The following TLE4 variants were observed in gnomAD, a reference collection of about 807,000 sequenced individuals.
TLE4 encodes TLE family member 4, transcriptional corepressor.
A neutral mutation model predicts 92.8 loss-of-function variants in TLE4; 8 were observed. The ratio of observed to expected loss-of-function variants is 0.09; its 90% CI spans 0.05 to 0.16. The LOEUF (loss-of-function observed/expected upper bound fraction) is 0.16. Among genes scored for constraint, TLE4 ranks in the 10% least tolerant of loss-of-function variants. TLE4 has a pLI of 1.00. For missense variants in TLE4, 675 were observed against 997.6 expected, an observed-to-expected ratio of 0.68 and a Z score of 4.36; for synonymous variants, 371 against 374.1, an observed-to-expected ratio of 0.99 and a Z score of 0.10.
chr9:79,719,103 G>A (rs1177194433), intron 15 of TLE4, 132 bp downstream of exon 15: 21 of 1,329,772 alleles, frequency 1.6e-5, no homozygotes, highest in Middle Eastern at 2.6e-4. Flanking sequence ...AGGGGACTGC[G>A]ATCTTTCACT....
intron 4 of TLE4, among the ~76,000 whole-genome samples, chr9:79,597,131 C>T (rs893010315): frequency 1.3e-5 from 2 of 152,102 alleles, no homozygotes; most frequent in African/African-American, 4.8e-5. Flanking sequence ...TCTAGTGAAG[C>T]CACATAGTCT....
chr9:79,653,092 T>A (rs551017234), intron 7 of TLE4, among the ~76,000 whole-genome samples: 1 of 152,346 alleles, frequency 6.6e-6, no homozygotes, highest in East Asian at 1.9e-4. Flanking sequence ...CATGATGCTC[T>A]GTTTGAAGTA....
At chr9:79,631,040 C>A (rs555193927) in intron 6 of TLE4, among the ~76,000 whole-genome samples, 13 of 152,146 alleles carry the variant, frequency 8.5e-5, no homozygotes, top group Non-Finnish European at 1.8e-4. Flanking sequence ...CCAATAAACC[C>A]TTAGGAAACA....
chr9:79,707,253 T>C, intron 11 of TLE4: 1 of 1,569,296 alleles, frequency 6.4e-7, no homozygotes, highest in Non-Finnish European at 8.8e-7. Flanking sequence ...GTGATTTTGT[T>C]GCTAGCTTTG....
At position 79,572,758 on chromosome 9, in the gene TLE4, C is replaced by T. The variant is rs768555411; in HGVS notation, c.-33C>T. 1.4e-5 allele frequency: 22 copies of T among 1,593,804 alleles called. No homozygotes were observed. The highest frequency in any genetic ancestry group is 2.3e-5 in the East Asian group (1 of 42,624). ...TCATTAAAGCCAATGAGCCGCGCGC[C>T]TCTGCCGAGCGCAGCCAACTAAATC... is the stretch of plus-strand genomic sequence containing the variant. On this transcript the variant is annotated 5_prime_UTR_variant, in exon 1 of 20. Coordinates refer to ENST00000376552, the MANE Select transcript of TLE4 (RefSeq NM_007005.6).
Position 79,592,148 on chromosome 9 carries a change from CT to C in TLE4, c.252+15974del, listed in dbSNP as rs749366942. On this transcript the variant is annotated intron_variant, in intron 4 of 19. Transcript: ENST00000376552. Reference sequence around the variant, plus strand: ...TCTTTCTTCTTCTTTCTTCTTTCTTCTTTCTTCTTCTTCTTCTTCTTCCTCT... The same window carrying C: ...TCTTTCTTCTTCTTTCTTCTTTCTTCTTCTTCTTCTTCTTCTTCTTCCTCT... Among the ~76,000 whole-genome samples the C allele has an allele frequency of 3.4e-4, 50 of 148,636 alleles. No homozygotes were observed. In the East Asian group the frequency reaches 3.5e-3, roughly 10 times the overall value.
intron 5 of TLE4, among the ~76,000 whole-genome samples, chr9:79,622,213 C>T (rs906939352): frequency 1.3e-5 from 2 of 152,102 alleles, no homozygotes; most frequent in African/African-American, 4.8e-5. Context: ...CATCCATTTT[C>T]CTTTATTTTT....
intron 6 of TLE4, among the ~76,000 whole-genome samples, chr9:79,646,299 G>C (rs1473571811): frequency 6.6e-6 from 1 of 152,118 alleles, no homozygotes; most frequent in Non-Finnish European, 1.5e-5. Flanking sequence ...GCAGAGGACA[G>C]TTTTGACTTA....
intron 6 of TLE4, among the ~76,000 whole-genome samples, chr9:79,633,172 A>G (rs1441190052): frequency 6.6e-6 from 1 of 152,186 alleles, no homozygotes; most frequent in African/African-American, 2.4e-5. Flanking sequence ...CCCTTCTCTC[A>G]TAACAAAGAC....
chr9:79,720,563 C>G (rs1162947821), intron 16 of TLE4, among the ~76,000 whole-genome samples: 1 of 152,012 alleles, frequency 6.6e-6, no homozygotes, highest in Non-Finnish European at 1.5e-5. Flanking sequence ...CCTTCCTTGA[C>G]TTATACTAAA....
rs117146134 is a variant in TLE4 at position 79,578,556 on chromosome 9, C to T, written c.252+2379C>T. On this transcript the variant is annotated intron_variant, in intron 4 of 19. Transcript: ENST00000376552. ...AAGCAAAGACAAACAGGGTGGAGGT[C>T]GGTGTTCTCCCTCCTACCCTTTCTA... Among the ~76,000 whole-genome samples the T allele has an allele frequency of 4.9e-3, 739 of 152,170 alleles. 3 individuals carry two copies. Among genetic ancestry groups the T allele is most frequent in the Middle Eastern group, 0.01 (3 of 294 alleles).
At chr9:79,724,851 A>T (rs2076217965) in intron 19 of TLE4, among the ~76,000 whole-genome samples, 186 bp from the exon 20 acceptor site, 1 of 108,174 alleles carries the variant, frequency 9.2e-6, no homozygotes. Flanking sequence ...TGTCTTATTA[A>T]AAAAAAAAAA....
chr9:79,608,270 C>T (rs1038199096), intron 4 of TLE4, among the ~76,000 whole-genome samples: 3 of 152,012 alleles, frequency 2.0e-5, no homozygotes, highest in African/African-American at 4.8e-5. Context: ...TAGAATTTCT[C>T]ATTAGTCCTC....
chr9:79,642,098 T>C (rs757310484), intron 6 of TLE4, among the ~76,000 whole-genome samples: 11 of 151,984 alleles, frequency 7.2e-5, no homozygotes, highest in Non-Finnish European at 1.2e-4. Context: ...CACACAGAAA[T>C]TGTGGTCAAA....
At chr9:79,619,228 G>T (rs1588124605) in intron 5 of TLE4, among the ~76,000 whole-genome samples, 2 of 152,104 alleles carry the variant, frequency 1.3e-5, no homozygotes, top group South Asian at 4.1e-4. Context: ...CTCCTGTTTT[G>T]GACATGCCAT....
intron 8 of TLE4, among the ~76,000 whole-genome samples, chr9:79,680,813 T>A (rs1406608538): frequency 6.6e-6 from 1 of 152,208 alleles, no homozygotes; most frequent in East Asian, 1.9e-4. Flanking sequence ...CAATACCTAA[T>A]TTGTTGAGAG....
intron 14 of TLE4, among the ~76,000 whole-genome samples, chr9:79,717,598 C>T (rs530255328): frequency 4.9e-4 from 74 of 152,268 alleles, no homozygotes; most frequent in African/African-American, 1.7e-3. Flanking sequence ...CAATAATGGA[C>T]TGAATTTTGA....
chr9:79,674,431 A>G (rs1349230884), intron 8 of TLE4, among the ~76,000 whole-genome samples: 1 of 152,138 alleles, frequency 6.6e-6, no homozygotes, highest in Non-Finnish European at 1.5e-5. Flanking sequence ...TCTCTATTCT[A>G]GGGTCAGTTT....
chr9:79,647,172 T>C (rs980987644), intron 6 of TLE4, among the ~76,000 whole-genome samples: 2 of 152,204 alleles, frequency 1.3e-5, no homozygotes, highest in Admixed American at 1.3e-4. Flanking sequence ...AATGAACTGA[T>C]GTTAATTTCT....
Sources: gnomAD v4.1 joint callset for allele counts (sites outside exome capture counted in the v4.1 genomes callset) on GRCh38, gnomAD v4.1.1 for gene constraint, MANE v1.5 for transcripts, NCBI Gene and HGNC (gene_info 2026-07-23, HGNC 2026-07-21) for gene names.